DNAH12: variants seen among roughly 807,000 people sequenced by gnomAD.
DNAH12 encodes the protein axonemal beta dynein heavy chain 12.
A neutral mutation model predicts 371.5 loss-of-function variants in DNAH12; 285 were observed. The ratio of observed to expected loss-of-function variants is 0.77; its 90% CI spans 0.70 to 0.85. The LOEUF (loss-of-function observed/expected upper bound fraction) is 0.85, where lower values mean the gene tolerates loss of function less well. DNAH12 is among the 40% of genes least tolerant of loss of function. The pLI, the probability that DNAH12 is intolerant of heterozygous loss-of-function variation, is 0.00. For missense variants in DNAH12, 3,611 were observed against 3,689.4 expected (o/e 0.98, Z 0.55); for synonymous variants, 1,200 against 1,213.0 (o/e 0.99, Z 0.22).
chr3:57,371,615 T>C (rs1297272430), intron 55 of DNAH12, among the ~76,000 whole-genome samples: 1 of 151,372 alleles, frequency 6.6e-6, no homozygotes, highest in Non-Finnish European at 1.5e-5. Context: ...GGGCCATGAT[T>C]GCACTACTAC....
At chr3:57,432,796 T>C (rs185226341) in intron 32 of DNAH12, among the ~76,000 whole-genome samples, 2 of 152,200 alleles carry the variant, frequency 1.3e-5, no homozygotes, top group Non-Finnish European at 2.9e-5. Context: ...TTGTAGGGTA[T>C]AGGAAATTTC....
intron 65 of DNAH12, 68 bp from the exon 66 acceptor site, chr3:57,314,699 A>AT (rs2061650266): frequency 1.4e-6 from 2 of 1,440,950 alleles, no homozygotes; most frequent in African/African-American, 2.9e-5. Flanking sequence ...AATGAGAGGA[A>AT]TAGATAAATG....
chr3:57,340,326 T>TA (rs1385914312), intron 60 of DNAH12, among the ~76,000 whole-genome samples: 1 of 147,726 alleles, frequency 6.8e-6, no homozygotes, highest in Non-Finnish European at 1.5e-5. Context: ...AAAGCAGAAA[T>TA]AAATGACATT....
At chr3:57,481,091 A>T (rs192252492) in intron 13 of DNAH12, among the ~76,000 whole-genome samples, 1 of 152,322 alleles carries the variant, frequency 6.6e-6, no homozygotes, top group Admixed American at 6.5e-5. Context: ...AGGAGAAGGA[A>T]ATAAAGGGTA....
chr3:57,427,932 G>GT (rs1436571843), intron 34 of DNAH12, among the ~76,000 whole-genome samples: 5 of 151,462 alleles, frequency 3.3e-5, no homozygotes, highest in Admixed American at 6.6e-5. Context: ...TTGGTTTTGG[G>GT]GTTTTTTTTT....
rs1271290214 is a variant in DNAH12 at position 57,301,755 on chromosome 3, C to T, written c.11374G>A (p.Ala3792Thr). ...PLGSYITDFL[A>T]RLNFLQDWYN... ...TTTACCTGTAAAAAGTTCAACCGGG[C>T]TAGGAAATCTGTGATGTAACTTCCC... Residue 3792 changes from alanine to threonine, a missense_variant, in exon 70 of 74, where the codon GCC (alanine) becomes ACC (threonine). Transcript: ENST00000495027. 3 of 1,548,604 alleles carry T rather than the reference C, an allele frequency of 1.9e-6. No homozygotes were observed. The highest frequency in any genetic ancestry group is 4.9e-5 in the East Asian group (2 of 40,652).
At chr3:57,406,293 A>AT (rs1329253105) in intron 40 of DNAH12, among the ~76,000 whole-genome samples, 1 of 150,906 alleles carries the variant, frequency 6.6e-6, no homozygotes, top group Non-Finnish European at 1.5e-5. Flanking sequence ...GGAGGTAGAC[A>AT]TTGCAAAGAG....
intron 16 of DNAH12, among the ~76,000 whole-genome samples, chr3:57,469,676 T>A (rs1218600706): frequency 6.6e-6 from 1 of 152,194 alleles, no homozygotes; most frequent in African/African-American, 2.4e-5. Context: ...TCATGCCCTT[T>A]GCAGCAACAT....
intron 11 of DNAH12, among the ~76,000 whole-genome samples, chr3:57,499,693 G>A (rs1489644441): frequency 1.1e-5 from 1 of 92,002 alleles, no homozygotes; most frequent in African/African-American, 4.2e-5. Context: ...AAAAAAATTA[G>A]CCAGGCATGG....
intron 67 of DNAH12, among the ~76,000 whole-genome samples, chr3:57,310,432 T>C (rs2061561471): frequency 6.6e-6 from 1 of 152,200 alleles, no homozygotes; most frequent in Admixed American, 6.5e-5. Context: ...TCAGTTTGAT[T>C]GGCAGGCCCC....
chr3:57,379,760 G>C (rs1162156945), intron 51 of DNAH12, among the ~76,000 whole-genome samples: 2 of 134,682 alleles, frequency 1.5e-5, no homozygotes, highest in African/African-American at 5.7e-5. Context: ...AGAATTGCTT[G>C]AACCTAGGAG....
At chr3:57,361,719 T>C (rs1272230995) in intron 58 of DNAH12, among the ~76,000 whole-genome samples, 1 of 151,800 alleles carries the variant, frequency 6.6e-6, no homozygotes, top group Non-Finnish European at 1.5e-5. Flanking sequence ...TCAAATTCAA[T>C]TTTCCAGAGA....
intron 43 of DNAH12, among the ~76,000 whole-genome samples, chr3:57,401,027 A>G (rs2063845448): frequency 2.0e-5 from 3 of 152,356 alleles, no homozygotes; most frequent in Non-Finnish European, 2.9e-5. Context: ...CCTGATCACA[A>G]TGGTACAAAA....
At position 57,446,973 on chromosome 3, in the gene DNAH12, G is replaced by A. The variant is rs549585043; in HGVS notation, c.3787-284C>T. On this transcript the variant is annotated intron_variant, in intron 25 of 73. Coordinates refer to ENST00000495027, the MANE Select transcript of DNAH12 (RefSeq NM_001366028.2). Reference sequence around the variant, plus strand: ...CCTTATGGGGGTAAAATTAGTTCAGGAAGGTTTTAATTAGAAGTGGTTGTG... The same window carrying A: ...CCTTATGGGGGTAAAATTAGTTCAGAAAGGTTTTAATTAGAAGTGGTTGTG... Among the ~76,000 whole-genome samples, 34 of 152,260 alleles carry A rather than the reference G, an allele frequency of 2.2e-4. No homozygotes were observed. In the South Asian group the frequency reaches 7.1e-3, roughly 32 times the overall value.
At chr3:57,358,675 A>C (rs1236737176) in intron 58 of DNAH12, among the ~76,000 whole-genome samples, 3 of 152,232 alleles carry the variant, frequency 2.0e-5, no homozygotes, top group Non-Finnish European at 4.4e-5. Context: ...TTATGTAAGA[A>C]AGCATAATTT....
In DNAH12 at chr3:57,542,792, G is replaced by C; in HGVS notation, c.79C>G (p.Pro27Ala). The change falls in exon 2 of 74, where the codon CCA (proline) becomes GCA (alanine). Residue 27 changes from proline to alanine, a missense_variant. Coordinates refer to ENST00000495027, the MANE Select transcript of DNAH12 (RefSeq NM_001366028.2). ...GGTGTATCAACGCCTATGTTTTCTG[G>C]GAGATGGACAATGGGGGGTAACTTC... is the stretch of plus-strand genomic sequence containing the variant. The part of the protein sequence containing the change: ...NLKLPPIVHL[P>A]ENIGVDTPTQ... The C allele has an allele frequency of 6.2e-7, 1 of 1,610,748 alleles. No homozygotes were observed. The highest frequency in any genetic ancestry group is 8.5e-7 in the Non-Finnish European group (1 of 1,178,686).
At chr3:57,474,125 G>A (rs919624350) in intron 13 of DNAH12, among the ~76,000 whole-genome samples, 44 of 152,142 alleles carry the variant, frequency 2.9e-4, no homozygotes, top group African/African-American at 1.1e-3. Flanking sequence ...GTCCCAGACA[G>A]TCCATTGTTG....
intron 69 of DNAH12, among the ~76,000 whole-genome samples, chr3:57,302,859 AG>A (rs1220270681): frequency 6.7e-6 from 1 of 149,654 alleles, no homozygotes; most frequent in Non-Finnish European, 1.5e-5. Flanking sequence ...TACAGGCGTG[AG>A]CCACTGCGCC....
chr3:57,436,542 A>T (rs1263671991), intron 30 of DNAH12, among the ~76,000 whole-genome samples: 1 of 152,164 alleles, frequency 6.6e-6, no homozygotes, highest in Non-Finnish European at 1.5e-5. Flanking sequence ...TGTGGAGAAA[A>T]GATAACTTGT....
Sources: allele counts gnomAD v4.1 joint callset (sites outside exome capture counted in the v4.1 genomes callset), GRCh38; gene constraint gnomAD v4.1.1; transcripts MANE v1.5; gene names NCBI Gene and HGNC (gene_info 2026-07-23, HGNC 2026-07-21).